Variants in TGFBR3 observed in about 807,000 individuals in gnomAD.
The protein encoded by TGFBR3 is transforming growth factor beta receptor 3.
TGFBR3 carries 46 observed loss-of-function variants against 87.9 expected under a neutral mutation model. That is an observed-to-expected ratio of 0.52 (90% CI 0.41 to 0.67). TGFBR3 has a LOEUF of 0.67. Among genes scored for constraint, TGFBR3 ranks in the 30% least tolerant of loss-of-function variants. The pLI is 0.00. For missense variants in TGFBR3, 866 were observed against 1,041.9 expected, an observed-to-expected ratio of 0.83 and a Z score of 2.32; for synonymous variants, 381 against 391.6, an observed-to-expected ratio of 0.97 and a Z score of 0.32.
chr1:91,809,107 C>T (rs1328712183), intron 2 of TGFBR3, among the ~76,000 whole-genome samples: 2 of 152,198 alleles, frequency 1.3e-5, no homozygotes, highest in Non-Finnish European at 2.9e-5. Flanking sequence ...TTAATTCCTA[C>T]TAATGCAATA....
intron 2 of TGFBR3, among the ~76,000 whole-genome samples, chr1:91,841,319 A>G (rs946952082): frequency 6.6e-6 from 1 of 152,200 alleles, no homozygotes; most frequent in East Asian, 1.9e-4. Context: ...CCATTTTACC[A>G]TATAGAATAA....
At chr1:91,756,226 A>G (rs1168346466) in intron 4 of TGFBR3, among the ~76,000 whole-genome samples, 2 of 152,226 alleles carry the variant, frequency 1.3e-5, no homozygotes, top group Non-Finnish European at 2.9e-5. Context: ...TTAAGTAGCC[A>G]CGCACAGCTA....
intron 3 of TGFBR3, among the ~76,000 whole-genome samples, chr1:91,778,850 A>G (rs1007452690): frequency 3.3e-5 from 5 of 152,252 alleles, no homozygotes; most frequent in Non-Finnish European, 7.3e-5. Flanking sequence ...AAAGTAAAAC[A>G]GTAAAAGAGA....
intron 7 of TGFBR3, among the ~76,000 whole-genome samples, chr1:91,722,824 A>C (rs1244571700): frequency 2.0e-5 from 3 of 152,188 alleles, no homozygotes; most frequent in Non-Finnish European, 2.9e-5. Flanking sequence ...TAGTAACATG[A>C]TGGTCAGTAT....
chr1:91,788,549 C>T (rs1376935264), intron 3 of TGFBR3, among the ~76,000 whole-genome samples: 1 of 152,206 alleles, frequency 6.6e-6, no homozygotes, highest in Non-Finnish European at 1.5e-5. Context: ...TGATTGAAGT[C>T]AATGCAATAA....
chr1:91,761,116 G>T (rs1673944865), intron 3 of TGFBR3, among the ~76,000 whole-genome samples: 1 of 152,186 alleles, frequency 6.6e-6, no homozygotes. Flanking sequence ...CAGTCCTCAG[G>T]CATACAATTC....
chr1:91,808,604 T>C (rs770785809), intron 2 of TGFBR3, among the ~76,000 whole-genome samples: 1 of 152,160 alleles, frequency 6.6e-6, no homozygotes, highest in Non-Finnish European at 1.5e-5. Flanking sequence ...TAGCTGGAAT[T>C]ACAGGCATGC....
chr1:91,742,797 TCCCTACTTGAACCATGCACA>T (rs888543432), intron 4 of TGFBR3, among the ~76,000 whole-genome samples: 46 of 152,270 alleles, frequency 3.0e-4, no homozygotes, highest in African/African-American at 1.0e-3. Flanking sequence ...TGAATGCTCC[TCCCTACTTGAACCATGCACA>T]ACATTTGTAT....
intron 2 of TGFBR3, among the ~76,000 whole-genome samples, chr1:91,859,339 G>T (rs1351368422): frequency 6.7e-6 from 1 of 148,616 alleles, no homozygotes; most frequent in African/African-American, 2.5e-5. Context: ...AACCCACAAG[G>T]TGAGACTAGA....
intron 2 of TGFBR3, among the ~76,000 whole-genome samples, chr1:91,826,539 G>C (rs761872074): frequency 6.6e-6 from 1 of 152,022 alleles, no homozygotes; most frequent in East Asian, 1.9e-4. Flanking sequence ...TGGGTGTCTG[G>C]GGAAAGAACC....
intron 12 of TGFBR3, among the ~76,000 whole-genome samples, chr1:91,714,327 T>C (rs1413965839): frequency 6.6e-6 from 1 of 152,174 alleles, no homozygotes; most frequent in Admixed American, 6.5e-5. Context: ...AGATTTAAAA[T>C]TTTGGGTTAT....
At chr1:91,859,595 A>C (rs1030737161) in intron 2 of TGFBR3, among the ~76,000 whole-genome samples, 1 of 152,218 alleles carries the variant, frequency 6.6e-6, no homozygotes, top group Non-Finnish European at 1.5e-5. Flanking sequence ...GGCATTCAAA[A>C]AACAACAACA....
chr1:91,774,152 T>TG (rs1487493568), intron 3 of TGFBR3, among the ~76,000 whole-genome samples: 1 of 152,046 alleles, frequency 6.6e-6, no homozygotes. Context: ...ACTTTTCTTT[T>TG]TTTTTTTGAG....
chr1:91,757,890 G>A (rs567731649), intron 4 of TGFBR3, among the ~76,000 whole-genome samples: 15 of 152,290 alleles, frequency 9.8e-5, no homozygotes, highest in East Asian at 1.9e-4. Flanking sequence ...CTCAGGCACC[G>A]CAGTTAGGAC....
intron 3 of TGFBR3, among the ~76,000 whole-genome samples, chr1:91,776,259 C>G (rs976702954): frequency 6.6e-6 from 1 of 152,240 alleles, no homozygotes; most frequent in Non-Finnish European, 1.5e-5. Flanking sequence ...GTTTTTGTTA[C>G]CTTTGGCAAA....
At chr1:91,691,454 G>C (rs1291566273) in intron 16 of TGFBR3, among the ~76,000 whole-genome samples, 3 of 152,184 alleles carry the variant, frequency 2.0e-5, no homozygotes, top group Non-Finnish European at 4.4e-5. Context: ...AGAGCTAGAA[G>C]ACAATGAGGA....
intron 4 of TGFBR3, among the ~76,000 whole-genome samples, chr1:91,740,396 G>C (rs1425833392): frequency 6.9e-6 from 1 of 145,628 alleles, no homozygotes; most frequent in Admixed American, 6.9e-5. Flanking sequence ...ATGGAGTCTC[G>C]CTCTGTCGCC....
chr1:91,861,470 C>A lies in TGFBR3; in HGVS notation c.61+1G>T. On this transcript the variant is annotated splice_donor_variant, in intron 2 of 16. Transcript: ENST00000212355. LOFTEE classifies it high-confidence loss of function. ...TATGCAATTTATATTATGCAACTTA[C>A]CTGCAGTGGCTAAACAGGAGCTCAT... is the stretch of plus-strand genomic sequence containing the variant. 3 of 1,607,780 alleles carry A rather than the reference C, an allele frequency of 1.9e-6. No individual in the cohort carries two copies. Among genetic ancestry groups the A allele is most frequent in the Non-Finnish European group, 2.6e-6 (3 of 1,174,336 alleles).
intron 2 of TGFBR3, among the ~76,000 whole-genome samples, chr1:91,897,868 C>A (rs928208393): frequency 2.0e-5 from 3 of 152,008 alleles, no homozygotes; most frequent in African/African-American, 7.3e-5. Flanking sequence ...AACATTTTGA[C>A]AAATTTTTTG....
Sources: allele counts gnomAD v4.1 joint callset (sites outside exome capture counted in the v4.1 genomes callset), GRCh38; gene constraint gnomAD v4.1.1; transcripts MANE v1.5; gene names NCBI Gene and HGNC (gene_info 2026-07-23, HGNC 2026-07-21).